Variants in DSTN observed in about 807,000 individuals in gnomAD.
DSTN encodes the protein destrin, actin depolymerizing factor, also known as destrin.
In DSTN, 10 loss-of-function variants were observed where a neutral mutation model predicts 16.8. The observed-to-expected ratio is 0.60, with a 90% CI of 0.37 to 1.01. The LOEUF (loss-of-function observed/expected upper bound fraction) is 1.01, where lower values mean the gene tolerates loss of function less well. Among genes scored for constraint, DSTN ranks in the 50% least tolerant of loss-of-function variants. The pLI, the probability that DSTN is intolerant of heterozygous loss-of-function variation, is 0.01. For missense variants in DSTN, 141 were observed against 196.7 expected (o/e 0.72, Z 1.69); for synonymous variants, 57 against 58.9 (o/e 0.97, Z 0.14).
At chr20:17,601,275 T>TTC (rs2035584604) in intron 2 of DSTN, among the ~76,000 whole-genome samples, 1 of 151,722 alleles carries the variant, frequency 6.6e-6, no homozygotes, top group African/African-American at 2.4e-5. Flanking sequence ...GTTTTTTTTT[T>TTC]CAATGGGGAA....
intron 1 of DSTN, among the ~76,000 whole-genome samples, chr20:17,585,676 C>T (rs538234496): frequency 6.6e-6 from 1 of 152,216 alleles, no homozygotes; most frequent in African/African-American, 2.4e-5. Flanking sequence ...TATATACATA[C>T]ACATATATAG....
At chr20:17,600,307 A>G (rs1385052603) in intron 1 of DSTN, among the ~76,000 whole-genome samples, 2 of 152,206 alleles carry the variant, frequency 1.3e-5, no homozygotes, top group Non-Finnish European at 2.9e-5. Context: ...GAGATGCTGT[A>G]GGGATGGAAA....
intron 1 of DSTN, among the ~76,000 whole-genome samples, chr20:17,590,970 T>C (rs2035462636): frequency 6.6e-6 from 1 of 152,076 alleles, no homozygotes; most frequent in Admixed American, 6.6e-5. Flanking sequence ...TAGCCAGGTG[T>C]GGTGGTGTTT....
chr20:17,587,124 T>C (rs1333127942), intron 1 of DSTN, among the ~76,000 whole-genome samples: 1 of 152,126 alleles, frequency 6.6e-6, no homozygotes, highest in Non-Finnish European at 1.5e-5. Flanking sequence ...TTATCTTTAT[T>C]GCTGTTACAT....
intron 1 of DSTN, among the ~76,000 whole-genome samples, chr20:17,593,946 G>GT (rs1265082519): frequency 6.6e-5 from 10 of 152,028 alleles, no homozygotes; most frequent in African/African-American, 2.4e-4. Context: ...GCTGGGCATG[G>GT]TGGCACGTGC....
chr20:17,579,575 C>G (rs2035320660), intron 1 of DSTN, among the ~76,000 whole-genome samples: 1 of 152,086 alleles, frequency 6.6e-6, no homozygotes, highest in African/African-American at 2.4e-5. Flanking sequence ...AGAGCAAGAC[C>G]CTGATCCCCC....
chr20:17,570,615 C>A (rs572514355), intron 1 of DSTN, among the ~76,000 whole-genome samples: 5 of 150,946 alleles, frequency 3.3e-5, no homozygotes, highest in South Asian at 4.2e-4. Flanking sequence ...CGGCCACCGT[C>A]CTTGTTGGCG....
At chr20:17,606,684 T>G (rs937213285) in intron 3 of DSTN, among the ~76,000 whole-genome samples, 2 of 152,236 alleles carry the variant, frequency 1.3e-5, no homozygotes, top group African/African-American at 2.4e-5. Flanking sequence ...TCCCTGGTGC[T>G]GTTCCCTTCA....
At chr20:17,594,354 A>G (rs2122194401) in intron 1 of DSTN, among the ~76,000 whole-genome samples, 1 of 152,224 alleles carries the variant, frequency 6.6e-6, no homozygotes, top group South Asian at 2.1e-4. Context: ...GCCTTCTCCT[A>G]TCATGAAGTA....
At chr20:17,588,954 G>T (rs534013155) in intron 1 of DSTN, among the ~76,000 whole-genome samples, 29 of 152,206 alleles carry the variant, frequency 1.9e-4, no homozygotes, top group Non-Finnish European at 2.9e-4. Flanking sequence ...GACTACTCCA[G>T]AACTACTGTT....
At chr20:17,605,907 A>G (rs2035637405) in intron 3 of DSTN, among the ~76,000 whole-genome samples, 1 of 151,902 alleles carries the variant, frequency 6.6e-6, no homozygotes, top group Admixed American at 6.6e-5. Flanking sequence ...GTTCGAGACC[A>G]GCCTGACCAA....
intron 1 of DSTN, chr20:17,576,247 A>G (rs2035277081): frequency 6.6e-6 from 1 of 152,242 alleles, no homozygotes; most frequent in South Asian, 2.1e-4. Context: ...ACACTATTCC[A>G]TGTTTTGCTT....
intron 1 of DSTN, among the ~76,000 whole-genome samples, chr20:17,572,124 A>G (rs1392845558): frequency 6.6e-6 from 1 of 152,172 alleles, no homozygotes; most frequent in Non-Finnish European, 1.5e-5. Flanking sequence ...AGTTTCTTTT[A>G]AGATTAAATT....
chr20:17,570,224 G>C lies in DSTN; in HGVS notation c.3+13G>C. 6.6e-7 allele frequency: 1 copy of C among 1,508,548 alleles called. No individual in the cohort carries two copies. Among genetic ancestry groups the C allele is most frequent in the Non-Finnish European group, 8.8e-7 (1 of 1,132,440 alleles). 93.4% of individuals were successfully genotyped at this position (1,508,548 alleles called of 1,614,324 possible). A position where few individuals can be genotyped will look rare whatever the true frequency, so the allele number is the denominator to read the frequency against. On this transcript the variant is annotated intron_variant, in intron 1 of 3. Coordinates refer to ENST00000246069, the MANE Select transcript of DSTN (RefSeq NM_006870.4). ...CGCGGCGAAGATGGTGAGTAGGAGG[G>C]AGGCCGAGGCGTGGGCCGAGGCGGC...
At chr20:17,588,519 C>T (rs1421773427) in intron 1 of DSTN, among the ~76,000 whole-genome samples, 1 of 152,208 alleles carries the variant, frequency 6.6e-6, no homozygotes, top group African/African-American at 2.4e-5. Context: ...CGGTTGCTCA[C>T]GCCTGTAATC....
At chr20:17,599,277 C>T (rs1412146104) in intron 1 of DSTN, 3 of 152,296 alleles carry the variant, frequency 2.0e-5, no homozygotes, top group African/African-American at 4.8e-5. Context: ...AGGCTGCAGC[C>T]TGGGCAACAT....
chr20:17,570,825 C>T (rs1481455573), intron 1 of DSTN, among the ~76,000 whole-genome samples: 1 of 152,202 alleles, frequency 6.6e-6, no homozygotes, highest in East Asian at 1.9e-4. Context: ...TTTTATCTGG[C>T]AATCGGCTTC....
At chr20:17,601,319 T>C (rs1306173066) in intron 2 of DSTN, among the ~76,000 whole-genome samples, 1 of 151,952 alleles carries the variant, frequency 6.6e-6, no homozygotes, top group African/African-American at 2.4e-5. Flanking sequence ...GTACTGCTTT[T>C]ATAGGCTAAA....
At position 17,600,867 on chromosome 20, in the gene DSTN, A is replaced by G; in HGVS notation, c.133A>G (p.Lys45Glu). The G allele has an allele frequency of 6.2e-7, 1 of 1,613,894 alleles. No homozygotes were observed. Among genetic ancestry groups the G allele is most frequent in the East Asian group, 2.2e-5 (1 of 44,858 alleles). Residue 45 changes from lysine (K) to glutamate (E), a missense_variant, in exon 2 of 4, where the codon AAG (lysine) becomes GAG (glutamate). Transcript: ENST00000246069. Reference sequence around the variant, plus strand: ...CATTTTTTGTCTCAGTGCAGACAAAAAGTGCATCATTGTAGAAGAAGGCAA... The same window carrying G: ...CATTTTTTGTCTCAGTGCAGACAAAGAGTGCATCATTGTAGAAGAAGGCAA... ...AVIFCLSADKKCIIVEEGKEI... is the reference protein window; with the variant it reads ...AVIFCLSADKECIIVEEGKEI...
Sources: allele counts gnomAD v4.1 joint callset (sites outside exome capture counted in the v4.1 genomes callset), GRCh38; gene constraint gnomAD v4.1.1; transcripts MANE v1.5; gene names NCBI Gene and HGNC (gene_info 2026-07-23, HGNC 2026-07-21).